Variants in ERICH1 observed in about 807,000 individuals in gnomAD.
ERICH1 encodes glutamate-rich protein 1.
Under a neutral mutation model 39.6 loss-of-function variants are expected in ERICH1, and 56 were observed. The ratio of observed to expected loss-of-function variants is 1.41; its 90% CI spans 1.14 to 1.77. The LOEUF (loss-of-function observed/expected upper bound fraction) is 1.77. ERICH1 is among the 40% of genes most tolerant of loss of function. The probability of loss-of-function intolerance (pLI) is 0.00; values close to 1 mark genes in which losing one functional copy is unlikely to be tolerated. For missense variants in ERICH1, 826 were observed against 575.4 expected (o/e 1.44, Z -4.45); for synonymous variants, 313 against 223.6 (o/e 1.40, Z -3.57).
chr8:713,243 TG>T (rs966564550), intron 2 of ERICH1, among the ~76,000 whole-genome samples: 7 of 152,360 alleles, frequency 4.6e-5, no homozygotes, highest in Admixed American at 6.5e-5. Flanking sequence ...TTCTGAAGTA[TG>T]GGGGGTTAGG....
Position 708,681 on chromosome 8 carries a change from G to GTTTTTTGTTTTTTTT in ERICH1, c.169+7179_169+7180insAAAAAAAACAAAAAA. On this transcript the variant is annotated intron_variant, in intron 2 of 5. Coordinates refer to ENST00000262109, the MANE Select transcript of ERICH1 (RefSeq NM_207332.3). ...GGGCTGAGTGGTTACGGGATAATGA[G>GTTTTTTGTTTTTTTT]TTTTTTTTTTTTTTTTTTTTTTTTT... Among the ~76,000 whole-genome samples the GTTTTTTGTTTTTTTT allele has an allele frequency of 5.9e-4, 39 of 65,766 alleles. 7 individuals carry two copies. The highest frequency in any genetic ancestry group is 8.3e-4 in the Non-Finnish European group (28 of 33,642). 43.1% of individuals were successfully genotyped at this position (65,766 alleles called of 152,430 possible).
At chr8:668,269 A>G (rs1248016929) in intron 5 of ERICH1, 1 of 351,746 alleles carries the variant, frequency 2.8e-6, no homozygotes, top group Non-Finnish European at 5.3e-6. Flanking sequence ...AAAATTTACC[A>G]TCTACCACAG....
chr8:728,088 G>A (rs926360586), intron 1 of ERICH1, among the ~76,000 whole-genome samples: 8 of 152,130 alleles, frequency 5.3e-5, no homozygotes, highest in African/African-American at 1.7e-4. Flanking sequence ...TCTGAGGATC[G>A]TCTCTGCCAA....
intron 4 of ERICH1, among the ~76,000 whole-genome samples, chr8:669,463 G>C (rs113166649): frequency 6.8e-3 from 1 of 146 alleles, no homozygotes; most frequent in East Asian, 0.25. Flanking sequence ...CCGTCTACAC[G>C]TCTGTCTGGT....
chr8:668,364 C>A (rs1298987855), intron 5 of ERICH1: 1 of 558,328 alleles, frequency 1.8e-6, no homozygotes, highest in Non-Finnish European at 3.2e-6. Context: ...TGACAGCTCC[C>A]AAGTCCGGAA....
At chr8:716,643 T>G (rs893508456) in intron 1 of ERICH1, among the ~76,000 whole-genome samples, 2 of 152,234 alleles carry the variant, frequency 1.3e-5, no homozygotes, top group African/African-American at 4.8e-5. Flanking sequence ...CAAACGGTCA[T>G]AATGAATAAA....
At chr8:686,492 C>G (rs545414070) in intron 3 of ERICH1, 1 of 152,106 alleles carries the variant, frequency 6.6e-6, no homozygotes, top group Non-Finnish European at 1.5e-5. Context: ...GTAGATCCCA[C>G]AGGTGAGTTA....
At chr8:623,418 T>C (rs1418691976) in intron 3 of ERICH1, among the ~76,000 whole-genome samples, 3 of 152,230 alleles carry the variant, frequency 2.0e-5, no homozygotes, top group Non-Finnish European at 4.4e-5. Context: ...TTATGGTCAA[T>C]TGATTTTCAA....
chr8:673,857 C>A lies in ERICH1; in HGVS notation c.495G>T (p.Leu165=). 6.2e-7 allele frequency: 1 copy of A among 1,613,770 alleles called. No homozygotes were observed. The highest frequency in any genetic ancestry group is 1.1e-5 in the South Asian group (1 of 91,070). ...TCCTTTTAATTTGCTGTTTCTTTTTCAGTTTCCTTTTTTTATTTTTGCTTA... is the reference window on the plus strand; with the variant it reads ...TCCTTTTAATTTGCTGTTTCTTTTTAAGTTTCCTTTTTTTATTTTTGCTTA... ...TTISKNKKRK[L]KKKQQIKRKK... The change falls in exon 4 of 6, where the codon CTG becomes CTT. Residue 165 remains leucine (L), a synonymous_variant. Transcript: ENST00000262109.
intron 3 of ERICH1, among the ~76,000 whole-genome samples, chr8:634,318 A>G (rs1168527615): frequency 6.6e-6 from 1 of 152,228 alleles, no homozygotes; most frequent in Non-Finnish European, 1.5e-5. Context: ...TGCTATAGAA[A>G]CAAAACACAA....
At chr8:670,400 G>T (rs575645082) in intron 4 of ERICH1, among the ~76,000 whole-genome samples, 2 of 152,060 alleles carry the variant, frequency 1.3e-5, no homozygotes, top group Admixed American at 6.5e-5. Context: ...GTTGCTGAAC[G>T]CATAGGAAAG....
intron 2 of ERICH1, among the ~76,000 whole-genome samples, chr8:710,354 C>G (rs542737151): frequency 2.0e-5 from 3 of 150,378 alleles, no homozygotes; most frequent in Non-Finnish European, 3.0e-5. Context: ...TCCCAGTCCT[C>G]GGCATCGTAC....
In ERICH1 at chr8:692,615, GCAA is replaced by G. The variant is rs779652806; in HGVS notation, c.170-6_170-4del. 8.9e-6 allele frequency: 14 copies of G among 1,576,318 alleles called. No homozygotes were observed. In the East Asian group the frequency reaches 2.1e-4, roughly 23 times the overall value. On this transcript the variant is annotated splice_region_variant and splice_polypyrimidine_tract_variant and intron_variant, in intron 2 of 5. Coordinates refer to ENST00000262109, the MANE Select transcript of ERICH1 (RefSeq NM_207332.3). ...AGTCGGGGTCTCAGAGCCAGTGTCTGCAACACAGGAGGAAAATAACAGGAACTG... is the reference window on the plus strand; with the variant it reads ...AGTCGGGGTCTCAGAGCCAGTGTCTGCACAGGAGGAAAATAACAGGAACTG...
intron 3 of ERICH1, among the ~76,000 whole-genome samples, chr8:619,431 A>G (rs1158877387): frequency 6.6e-6 from 1 of 152,252 alleles, no homozygotes; most frequent in African/African-American, 2.4e-5. Context: ...ATATAATTAC[A>G]TTATTTGTAT....
chr8:670,043 G>A (rs980405072), intron 4 of ERICH1, among the ~76,000 whole-genome samples: 4 of 152,104 alleles, frequency 2.6e-5, no homozygotes, highest in Non-Finnish European at 4.4e-5. Flanking sequence ...CATGTCTGCC[G>A]GGCTCTTTCC....
At chr8:655,442 C>A (rs147034778) in intron 3 of ERICH1, among the ~76,000 whole-genome samples, 1 of 152,220 alleles carries the variant, frequency 6.6e-6, no homozygotes, top group Admixed American at 6.5e-5. Flanking sequence ...CATAGACTTA[C>A]GTTCTTACCT....
At chr8:638,202 G>A (rs1023651259) in intron 3 of ERICH1, among the ~76,000 whole-genome samples, 1 of 152,238 alleles carries the variant, frequency 6.6e-6, no homozygotes, top group Non-Finnish European at 1.5e-5. Flanking sequence ...TTGCCTTGGC[G>A]TTTCTTATCT....
chr8:712,541 T>TGTA (rs1814988611), intron 2 of ERICH1, among the ~76,000 whole-genome samples: 1 of 152,206 alleles, frequency 6.6e-6, no homozygotes, highest in African/African-American at 2.4e-5. Context: ...GTGATTCTCC[T>TGTA]GCCTCAGCCT....
intron 3 of ERICH1, among the ~76,000 whole-genome samples, chr8:621,164 AAT>A (rs1176509104): frequency 1.9e-4 from 28 of 144,090 alleles, no homozygotes; most frequent in African/African-American, 7.2e-4. Flanking sequence ...TACACTCCTA[AAT>A]AACTAATGGA....
Sources: gnomAD v4.1 joint callset for allele counts (sites outside exome capture counted in the v4.1 genomes callset) on GRCh38, gnomAD v4.1.1 for gene constraint, MANE v1.5 for transcripts, NCBI Gene and HGNC (gene_info 2026-07-23, HGNC 2026-07-21) for gene names.